The following CD8B variants were observed in gnomAD, a reference collection of about 807,000 sequenced individuals.
The protein encoded by CD8B is T-cell surface glycoprotein CD8 beta chain.
Under a neutral mutation model 24.2 loss-of-function variants are expected in CD8B, and 6 were observed. That is an observed-to-expected ratio of 0.25 (90% CI 0.14 to 0.49). CD8B has a LOEUF of 0.49. Ranked by LOEUF, CD8B falls within the 20% of genes least tolerant of loss-of-function variation. The probability of loss-of-function intolerance (pLI) is 0.98; values close to 1 mark genes in which losing one functional copy is unlikely to be tolerated. For synonymous variants in CD8B, 84 were observed against 108.3 expected, an observed-to-expected ratio of 0.78 and a Z score of 1.39; for missense variants, 196 against 271.3, an observed-to-expected ratio of 0.72 and a Z score of 1.95.
chr2:86,826,080 C>T (rs527748498), intron 5 of CD8B, among the ~76,000 whole-genome samples: 4 of 152,114 alleles, frequency 2.6e-5, no homozygotes, highest in South Asian at 2.1e-4. Context: ...TTTTTTAGAA[C>T]GTATCATTTG....
intron 5 of CD8B, among the ~76,000 whole-genome samples, chr2:86,832,530 G>T (rs189476985): frequency 8.2e-4 from 124 of 150,868 alleles, no homozygotes; most frequent in African/African-American, 2.4e-3. Flanking sequence ...GGAAGGGCAC[G>T]GTCACATGAG....
At chr2:86,835,226 AC>A (rs1227215688), downstream of CD8B, among the ~76,000 whole-genome samples, 1 of 152,010 alleles carries the variant, frequency 6.6e-6, no homozygotes, top group East Asian at 1.9e-4. Flanking sequence ...AGACCACCCA[AC>A]ATGGCTTTCT....
intron 5 of CD8B, among the ~76,000 whole-genome samples, chr2:86,825,810 C>G (rs976176116): frequency 6.6e-6 from 1 of 152,186 alleles, no homozygotes; most frequent in African/African-American, 2.4e-5. Flanking sequence ...GGCCACTGCC[C>G]ATGCCTCACC....
At chr2:86,845,432 CA>C (rs201763548) in intron 4 of CD8B, among the ~76,000 whole-genome samples, 2,846 of 152,268 alleles carry the variant, frequency 0.019, 87 homozygotes, top group African/African-American at 0.065. Flanking sequence ...TGTCTATTGA[CA>C]TTTGTATTTC....
intron 3 of CD8B, 129 bp from the exon 4 acceptor site, chr2:86,846,902 C>T (rs1034794400): frequency 5.3e-4 from 146 of 273,222 alleles, no homozygotes; most frequent in Non-Finnish European, 8.9e-4. Context: ...ATTTGTATTT[C>T]GATGTAATGT....
At chr2:86,833,639 C>CCCTCCCTTCCTTCCTT (rs559210826), downstream of CD8B, among the ~76,000 whole-genome samples, 14 of 75,960 alleles carry the variant, frequency 1.8e-4, 1 homozygote, top group Non-Finnish European at 2.7e-4. Flanking sequence ...CTCCCTCCCT[C>CCCTCCCTTCCTTCCTT]CCTTCCTTCC....
At chr2:86,822,506 T>A in intron 5 of CD8B, 2 of 576,552 alleles carry the variant, frequency 3.5e-6, no homozygotes, top group Non-Finnish European at 6.1e-6. Context: ...GATGATGTTT[T>A]AGAATTATGA....
At chr2:86,851,785 T>C (rs1414411688) in intron 3 of CD8B, among the ~76,000 whole-genome samples, 2 of 152,096 alleles carry the variant, frequency 1.3e-5, no homozygotes, top group East Asian at 3.8e-4. Context: ...CAGAAACACG[T>C]TTGGGCTGAT....
chr2:86,850,289 G>A (rs1229234072), intron 3 of CD8B, among the ~76,000 whole-genome samples: 5 of 152,136 alleles, frequency 3.3e-5, no homozygotes, highest in Admixed American at 3.3e-4. Context: ...GGTCTCCTGA[G>A]CTCTGGATCT....
downstream of CD8B, among the ~76,000 whole-genome samples, chr2:86,833,885 G>A (rs1173007956): frequency 5.9e-5 from 9 of 151,938 alleles, no homozygotes; most frequent in African/African-American, 1.9e-4. Context: ...TCCTGACCTC[G>A]TGATCCGCCC....
intron 5 of CD8B, among the ~76,000 whole-genome samples, chr2:86,829,984 C>A (rs959960701): frequency 2.0e-5 from 3 of 152,204 alleles, no homozygotes; most frequent in African/African-American, 7.2e-5. Flanking sequence ...AACATTCTTG[C>A]ACAGCATTAT....
rs1675273222 is a variant in CD8B at position 86,838,582 on chromosome 2, T to C, written c.*3725A>G. Among the ~76,000 whole-genome samples, 1 of 152,208 alleles carries C rather than the reference T, an allele frequency of 6.6e-6. No homozygotes were observed. Among genetic ancestry groups the C allele is most frequent in the African/African-American group, 2.4e-5 (1 of 41,430 alleles). On this transcript the variant is annotated 3_prime_UTR_variant, in exon 6 of 6. Transcript: ENST00000390655. The stretch of plus-strand genomic sequence containing the variant: ...GGCGTGATCACAGCTCACTGCAGTC[T>C]GAAACTCCTGGGGTCAGGAGATCCT...
downstream of CD8B, chr2:86,815,511 G>C: frequency 2.5e-6 from 2 of 790,164 alleles, no homozygotes; most frequent in South Asian, 3.0e-5. Context: ...TGGTGGCAGA[G>C]AAGTCTCTGC....
chr2:86,820,360 C>T (rs1674414072), intron 5 of CD8B, among the ~76,000 whole-genome samples: 1 of 152,152 alleles, frequency 6.6e-6, no homozygotes, highest in Admixed American at 6.5e-5. Context: ...TGTTGTTGTC[C>T]TATTTTACGA....
chr2:86,850,405 C>A (rs1485048340), intron 3 of CD8B, among the ~76,000 whole-genome samples: 1 of 152,098 alleles, frequency 6.6e-6, no homozygotes, highest in Non-Finnish European at 1.5e-5. Context: ...CTCAGTGACC[C>A]CATGGGTTTC....
At chr2:86,844,569 C>T in intron 5 of CD8B, 1 of 1,305,180 alleles carries the variant, frequency 7.7e-7, no homozygotes. Context: ...ATACATTTAA[C>T]TTACTGGTCA....
At chr2:86,843,836 T>C (rs1675546630) in intron 5 of CD8B, among the ~76,000 whole-genome samples, 1 of 152,134 alleles carries the variant, frequency 6.6e-6, no homozygotes, top group Admixed American at 6.5e-5. Context: ...CTTGGAGACG[T>C]GAAGTGACTT....
chr2:86,844,574 T>C, intron 5 of CD8B: 3 of 1,323,530 alleles, frequency 2.3e-6, no homozygotes, highest in Non-Finnish European at 3.0e-6. Context: ...TTTAACTTAC[T>C]GGTCAGGTTT....
chr2:86,851,187 G>A (rs559881639), intron 3 of CD8B, among the ~76,000 whole-genome samples: 27 of 152,108 alleles, frequency 1.8e-4, no homozygotes, highest in African/African-American at 3.4e-4. Context: ...TGAGTTTGCC[G>A]TCATTCAGCT....
Sources: allele counts gnomAD v4.1 joint callset (sites outside exome capture counted in the v4.1 genomes callset), GRCh38; gene constraint gnomAD v4.1.1; transcripts MANE v1.5; gene names NCBI Gene and HGNC (gene_info 2026-07-23, HGNC 2026-07-21).